The following PAX2 variants were observed in gnomAD, a reference collection of about 807,000 sequenced individuals.
PAX2 encodes the protein paired box 2.
Under a neutral mutation model 41.7 loss-of-function variants are expected in PAX2, and 9 were observed. The ratio of observed to expected loss-of-function variants is 0.22; its 90% CI spans 0.13 to 0.38. PAX2 has a LOEUF of 0.38. Among genes scored for constraint, PAX2 ranks in the 10% least tolerant of loss-of-function variants. The pLI, the probability that PAX2 is intolerant of heterozygous loss-of-function variation, is 1.00. For synonymous variants in PAX2, 221 were observed against 212.7 expected (o/e 1.04, Z -0.34); for missense variants, 418 against 531.6 (o/e 0.79, Z 2.10).
chr10:100,824,685 C>G lies in PAX2; in HGVS notation c.957C>G (p.Pro319=), dbSNP rs778923367. 4 of 1,610,650 alleles carry G rather than the reference C, an allele frequency of 2.5e-6. No individual in the cohort carries two copies. Among genetic ancestry groups the G allele is most frequent in the African/African-American group, 1.3e-5 (1 of 74,840 alleles). Residue 319 remains proline, a synonymous_variant, in exon 8 of 10, where the codon CCC becomes CCG. Transcript: ENST00000355243. This position sits in a 1 kb window ranked among gnomAD's most constrained non-coding sequence, Gnocchi z 6.6. ...DMASTTLPGY[P]PHVPPTGQGS... ...CGAGCACCACTCTGCCTGGTTACCCCCCTCACGTGCCCCCCACTGGCCAGG... is the reference window on the plus strand; with the variant it reads ...CGAGCACCACTCTGCCTGGTTACCCGCCTCACGTGCCCCCCACTGGCCAGG...
At chr10:100,771,237 G>C (rs1225878919) in intron 3 of PAX2, among the ~76,000 whole-genome samples, 3 of 152,224 alleles carry the variant, frequency 2.0e-5, no homozygotes, top group African/African-American at 7.2e-5. Context: ...GTGTATTCCA[G>C]CAACATCCTG....
intron 5 of PAX2, among the ~76,000 whole-genome samples, chr10:100,783,816 G>A (rs754257807): frequency 4.6e-5 from 7 of 152,138 alleles, no homozygotes; most frequent in African/African-American, 7.2e-5. Flanking sequence ...AAGAGATTAC[G>A]GTGCCCCCAA....
chr10:100,808,443 G>C (rs906342360), intron 6 of PAX2, among the ~76,000 whole-genome samples: 2 of 152,104 alleles, frequency 1.3e-5, no homozygotes, highest in African/African-American at 2.4e-5. Context: ...CTTTGTGCAG[G>C]CTCCCGGTCT....
chr10:100,755,694 G>T (rs533944075), intron 3 of PAX2, among the ~76,000 whole-genome samples: 1 of 152,280 alleles, frequency 6.6e-6, no homozygotes, highest in Admixed American at 6.5e-5. Flanking sequence ...CAGAGATTTC[G>T]ATGGGAGCCC....
intron 3 of PAX2, among the ~76,000 whole-genome samples, chr10:100,754,171 G>A (rs1845549900): frequency 6.6e-6 from 1 of 152,216 alleles, no homozygotes; most frequent in Admixed American, 6.5e-5. Context: ...AAGTCGTCTA[G>A]TTACATAGCT....
intron 4 of PAX2, among the ~76,000 whole-genome samples, 197 bp downstream of exon 4, chr10:100,779,780 A>C (rs1228463945): frequency 6.6e-6 from 1 of 151,742 alleles, no homozygotes; most frequent in East Asian, 1.9e-4. Flanking sequence ...TCTGCCTCCC[A>C]CTTGTGTCAC....
At chr10:100,807,444 C>T (rs1006155696) in intron 6 of PAX2, among the ~76,000 whole-genome samples, 4 of 151,306 alleles carry the variant, frequency 2.6e-5, no homozygotes, top group Non-Finnish European at 5.9e-5. Flanking sequence ...CCCACCTGTT[C>T]CCTCACCCAC....
chr10:100,802,237 C>CT (rs1248862517), intron 5 of PAX2, among the ~76,000 whole-genome samples: 3 of 152,142 alleles, frequency 2.0e-5, no homozygotes, highest in African/African-American at 7.2e-5. Flanking sequence ...TCCTGAAAGC[C>CT]CAGGACACAT....
In PAX2 at chr10:100,748,397, C is replaced by G. The variant is rs542086476; in HGVS notation, c.44-1349C>G. ...AGCAACGCGATCAGAGGTCTTTCCC[C>G]AGGGTTTCACCGAGCTTGCTCTAGG... On this transcript the variant is annotated intron_variant, in intron 1 of 9. Transcript: ENST00000355243. This position sits in a 1 kb window ranked among gnomAD's most constrained non-coding sequence, Gnocchi z 5.0. The G allele has an allele frequency of 2.6e-5, 25 of 979,808 alleles. No individual in the cohort carries two copies. In the East Asian group the frequency reaches 2.6e-3, roughly 104 times the overall value. 60.7% of individuals were successfully genotyped at this position (979,808 alleles called of 1,614,324 possible).
chr10:100,786,313 T>C (rs1039200374), intron 5 of PAX2, among the ~76,000 whole-genome samples: 5 of 152,248 alleles, frequency 3.3e-5, no homozygotes, highest in African/African-American at 1.2e-4. Context: ...ATGTCATCTT[T>C]CAGCCTCCAC....
At chr10:100,811,466 C>T (rs1055316353) in intron 7 of PAX2, among the ~76,000 whole-genome samples, 1 of 152,178 alleles carries the variant, frequency 6.6e-6, no homozygotes, top group Non-Finnish European at 1.5e-5. Flanking sequence ...AGCATGTTGG[C>T]CTTCAGGCCA....
intron 5 of PAX2, among the ~76,000 whole-genome samples, chr10:100,805,414 G>T (rs2133948228): frequency 6.6e-6 from 1 of 152,300 alleles, no homozygotes; most frequent in African/African-American, 2.4e-5. Flanking sequence ...TGACCAAGCT[G>T]GTATGGGGTT....
upstream of PAX2, among the ~76,000 whole-genome samples, chr10:100,743,050 A>G (rs1480651397): frequency 6.6e-6 from 1 of 151,116 alleles, no homozygotes; most frequent in Non-Finnish European, 1.5e-5. Context: ...TCCAGGGAGC[A>G]TTACTCTTTG....
chr10:100,807,882 C>T (rs1363419346), intron 6 of PAX2, among the ~76,000 whole-genome samples: 2 of 152,252 alleles, frequency 1.3e-5, no homozygotes, highest in African/African-American at 4.8e-5. Flanking sequence ...CCCAGCCACT[C>T]GCCTTTCTCC....
chr10:100,788,873 C>A (rs891956859), intron 5 of PAX2, among the ~76,000 whole-genome samples: 1 of 152,034 alleles, frequency 6.6e-6, no homozygotes, highest in Non-Finnish European at 1.5e-5. Flanking sequence ...CACACACCCC[C>A]CCCGACACAC....
intron 3 of PAX2, among the ~76,000 whole-genome samples, chr10:100,751,363 G>A (rs1845434852): frequency 6.6e-6 from 1 of 152,200 alleles, no homozygotes; most frequent in African/African-American, 2.4e-5. Context: ...CAGGAGTCTG[G>A]TCTTGCTAGC....
At chr10:100,772,450 G>A (rs1171802728) in intron 3 of PAX2, among the ~76,000 whole-genome samples, 1 of 152,216 alleles carries the variant, frequency 6.6e-6, no homozygotes. Context: ...CACCATGCCT[G>A]GCTGCAAATA....
rs759597667 is a variant in PAX2 at position 100,739,827 on chromosome 10, T to C, written c.25+4094T>C. On this transcript the variant is annotated intron_variant, in intron 1 of 9. Coordinates refer to the PAX2 transcript ENST00000679374. Reference sequence around the variant, plus strand: ...AGGCCGCGGGCTCCGGGCCGGCTGCTAAGAGAGTTAATCATTACTTCGCCA... The same window carrying C: ...AGGCCGCGGGCTCCGGGCCGGCTGCCAAGAGAGTTAATCATTACTTCGCCA... Among the ~76,000 whole-genome samples the C allele has an allele frequency of 3.9e-5, 6 of 152,198 alleles. No homozygotes were observed. The South Asian group carries it at 8.3e-4, about 21-fold the overall frequency.
At chr10:100,771,968 G>A (rs186511920) in intron 3 of PAX2, among the ~76,000 whole-genome samples, 45 of 152,140 alleles carry the variant, frequency 3.0e-4, no homozygotes, top group African/African-American at 9.2e-4. Context: ...CACCATGCCC[G>A]GCTAATTTTT....
Sources: allele counts gnomAD v4.1 joint callset (sites outside exome capture counted in the v4.1 genomes callset), GRCh38; gene constraint gnomAD v4.1.1; non-coding constraint Gnocchi (gnomAD v3.1); transcripts MANE v1.5; gene names NCBI Gene and HGNC (gene_info 2026-07-23, HGNC 2026-07-21).